UNC80: variants seen among roughly 807,000 people sequenced by gnomAD.
UNC80 encodes the protein protein unc-80 homolog.
UNC80 carries 164 observed loss-of-function variants against 384.6 expected under a neutral mutation model. The ratio of observed to expected loss-of-function variants is 0.43; its 90% CI spans 0.38 to 0.49. The LOEUF (loss-of-function observed/expected upper bound fraction) is 0.49, where lower values mean the gene tolerates loss of function less well. Ranked by LOEUF, UNC80 falls within the 20% of genes least tolerant of loss-of-function variation. UNC80 has a pLI of 0.00. For synonymous variants in UNC80, 1,486 were observed against 1,527.8 expected (o/e 0.97, Z 0.64); for missense variants, 3,330 against 4,143.0 (o/e 0.80, Z 5.39).
At chr2:209,910,217 T>A (rs2088758641) in intron 29 of UNC80, among the ~76,000 whole-genome samples, 1 of 150,642 alleles carries the variant, frequency 6.6e-6, no homozygotes, top group African/African-American at 2.4e-5. Context: ...CCCTGCTTGA[T>A]GTGTCATTTC....
At chr2:209,883,501 G>A (rs1398296432) in intron 25 of UNC80, among the ~76,000 whole-genome samples, 2 of 148,706 alleles carry the variant, frequency 1.3e-5, no homozygotes, top group Non-Finnish European at 3.0e-5. Context: ...TATAATCTCG[G>A]CTCACTGCAA....
In UNC80 at chr2:209,839,261, T is replaced by C. The variant is rs947070646; in HGVS notation, c.3081T>C (p.Asp1027=). The change falls in exon 19 of 65, where the codon GAT becomes GAC. Residue 1027 remains aspartate (D), a synonymous_variant. Transcript: ENST00000673920. The surrounding 1 kb of genome is among the most constrained non-coding windows in gnomAD (Gnocchi z 4.1). ...QMQGANLGRK[D]FWRKMFKSQS... ...AAGGAGCCAACTTGGGGCGGAAAGATTTCTGGCGTAAGATGTTCAAGTCCC... is the reference window on the plus strand; with the variant it reads ...AAGGAGCCAACTTGGGGCGGAAAGACTTCTGGCGTAAGATGTTCAAGTCCC... 2 of 1,551,450 alleles carry C rather than the reference T, an allele frequency of 1.3e-6. No individual in the cohort carries two copies. The highest frequency in any genetic ancestry group is 1.7e-6 in the Non-Finnish European group (2 of 1,146,984).
intron 32 of UNC80, 126 bp from the exon 33 acceptor site, chr2:209,918,406 T>C: frequency 2.6e-6 from 3 of 1,138,760 alleles, no homozygotes; most frequent in Non-Finnish European, 1.2e-6. Flanking sequence ...CTAAAATTCT[T>C]GTTCATTCTG....
At position 209,917,491 on chromosome 2, in the gene UNC80, T is replaced by A. The variant is rs539016708; in HGVS notation, c.5030-286T>A. ...AAACATATTTCAGGATGTACTTTTT[T>A]AATTTCATTTGCTTCCTCTGGCATT... is the stretch of plus-strand genomic sequence containing the variant. On this transcript the variant is annotated intron_variant, in intron 31 of 64. Transcript: ENST00000673920. 6.9e-4 allele frequency among the ~76,000 whole-genome samples: 105 copies of A among 152,346 alleles called. 1 individual carries two copies. Among genetic ancestry groups the A allele is most frequent in the Admixed American group, 2.2e-3 (34 of 15,306 alleles).
intron 13 of UNC80, among the ~76,000 whole-genome samples, chr2:209,820,965 T>G (rs1559145478): frequency 6.6e-6 from 1 of 152,240 alleles, no homozygotes; most frequent in African/African-American, 2.4e-5. Context: ...GTTGCCATAA[T>G]TCTCAGTCTG....
chr2:209,803,043 C>T (rs1023538161), intron 7 of UNC80, among the ~76,000 whole-genome samples: 2 of 152,188 alleles, frequency 1.3e-5, no homozygotes, highest in Non-Finnish European at 2.9e-5. Context: ...GAAATCCTCT[C>T]TAATTCCAGT....
Position 209,813,851 on chromosome 2 carries a change from A to T in UNC80, c.1200+10A>T. 1 of 1,548,164 alleles carries T rather than the reference A, an allele frequency of 6.5e-7. No homozygotes were observed. The highest frequency in any genetic ancestry group is 8.7e-7 in the Non-Finnish European group (1 of 1,145,106). ...CACCCACAAAACCCAAGTAAGAAAA[A>T]CCCGGTTCATTGTCATTCAAACCAG... On this transcript the variant is annotated intron_variant, in intron 8 of 64. Transcript: ENST00000673920.
At chr2:209,969,505 A>C (rs2092823057) in intron 52 of UNC80, 2 of 472,626 alleles carry the variant, frequency 4.2e-6, no homozygotes, top group South Asian at 6.6e-5. Flanking sequence ...CAAAGCTAAA[A>C]CCAGGGAAAT....
chr2:209,946,180 G>T (rs1485205571), intron 47 of UNC80, among the ~76,000 whole-genome samples: 1 of 151,842 alleles, frequency 6.6e-6, no homozygotes, highest in Non-Finnish European at 1.5e-5. Context: ...GGGCAACATA[G>T]TGAGACCCTG....
chr2:209,809,071 A>G (rs977777477), intron 7 of UNC80: 2 of 473,290 alleles, frequency 4.2e-6, no homozygotes, highest in Non-Finnish European at 7.8e-6. Context: ...GGATGAGGAC[A>G]GCGGGAAAGG....
chr2:209,838,312 T>G (rs569983467), intron 18 of UNC80, among the ~76,000 whole-genome samples: 2 of 148,740 alleles, frequency 1.3e-5, no homozygotes, highest in African/African-American at 4.9e-5. Flanking sequence ...ATTTATTGAG[T>G]AAAAATAAAG....
chr2:209,843,279 A>G (rs2081904074), intron 21 of UNC80, among the ~76,000 whole-genome samples: 2 of 152,200 alleles, frequency 1.3e-5, no homozygotes, highest in South Asian at 4.1e-4. Context: ...GACTACATGA[A>G]GTATATGAAC....
At position 209,959,114 on chromosome 2, in the gene UNC80, C is replaced by G; in HGVS notation, c.7551-5C>G. The G allele has an allele frequency of 6.4e-7, 1 of 1,552,006 alleles. No homozygotes were observed. The highest frequency in any genetic ancestry group is 8.7e-7 in the Non-Finnish European group (1 of 1,146,934). ...AGTTATGTAGACTGTTTTTCTGACT[C>G]CCAGGTACCAGGAACAAGGAGCCAA... On this transcript the variant is annotated splice_polypyrimidine_tract_variant and splice_region_variant and intron_variant, in intron 49 of 64. Transcript: ENST00000673920.
At chr2:209,840,126 A>C (rs1364968387) in intron 19 of UNC80, among the ~76,000 whole-genome samples, 2 of 152,236 alleles carry the variant, frequency 1.3e-5, no homozygotes, top group African/African-American at 4.8e-5. Flanking sequence ...CATGGAAATC[A>C]TACTGGAGGG....
chr2:209,873,330 G>A (rs1167618559), intron 23 of UNC80, among the ~76,000 whole-genome samples: 1 of 152,122 alleles, frequency 6.6e-6, no homozygotes, highest in Non-Finnish European at 1.5e-5. Flanking sequence ...CTTTTTGAAA[G>A]TCATTGTTAT....
At chr2:209,784,595 T>G (rs2077322590) in intron 4 of UNC80, among the ~76,000 whole-genome samples, 1 of 152,218 alleles carries the variant, frequency 6.6e-6, no homozygotes, top group Non-Finnish European at 1.5e-5. Flanking sequence ...TGACAGCTCC[T>G]TCATTTTGTT....
chr2:209,810,698 G>A (rs151088120), intron 7 of UNC80, among the ~76,000 whole-genome samples: 1,692 of 152,316 alleles, frequency 0.011, 31 homozygotes, highest in African/African-American at 0.037. Flanking sequence ...GGACTTTAAA[G>A]TGTGGGGCAG....
At chr2:209,855,418 A>G (rs1224302496) in intron 22 of UNC80, among the ~76,000 whole-genome samples, 1 of 152,230 alleles carries the variant, frequency 6.6e-6, no homozygotes, top group Non-Finnish European at 1.5e-5. Flanking sequence ...AAGTTTACCT[A>G]TGTAACAAAC....
chr2:209,776,142 G>T, intron 3 of UNC80, 97 bp downstream of exon 3: 1 of 1,473,254 alleles, frequency 6.8e-7, no homozygotes, highest in Non-Finnish European at 9.2e-7. Context: ...GTTTTCTCAA[G>T]CACTGTGCAT....
Sources: gnomAD v4.1 joint callset for allele counts (sites outside exome capture counted in the v4.1 genomes callset) on GRCh38, gnomAD v4.1.1 for gene constraint, Gnocchi (gnomAD v3.1) non-coding constraint, MANE v1.5 for transcripts, NCBI Gene and HGNC (gene_info 2026-07-23, HGNC 2026-07-21) for gene names.